Variants in APBA2 observed in about 807,000 individuals in gnomAD.
The protein encoded by APBA2 is amyloid beta precursor protein binding family A member 2, also known as amyloid-beta A4 precursor protein-binding family A member 2.
In APBA2, 30 loss-of-function variants were observed where a neutral mutation model predicts 75.0. The ratio of observed to expected loss-of-function variants is 0.40; its 90% CI spans 0.30 to 0.54. The LOEUF (loss-of-function observed/expected upper bound fraction) is 0.54. Among genes scored for constraint, APBA2 ranks in the 20% least tolerant of loss-of-function variants. The probability of loss-of-function intolerance (pLI) is 0.49; values close to 1 mark genes in which losing one functional copy is unlikely to be tolerated. For synonymous variants in APBA2, 444 were observed against 409.6 expected (o/e 1.08, Z -1.01); for missense variants, 801 against 1,016.1 (o/e 0.79, Z 2.88).
chr15:28,969,877 T>C (rs1274349900), intron 2 of APBA2, among the ~76,000 whole-genome samples: 1 of 152,226 alleles, frequency 6.6e-6, no homozygotes, highest in African/African-American at 2.4e-5. Flanking sequence ...TGGCGCCTAC[T>C]CATGGAGCCT....
rs533971816 is a variant in APBA2 at position 28,892,516 on chromosome 15, G to A, written c.-205+6238G>A. Among the ~76,000 whole-genome samples, 20 of 152,320 alleles carry A rather than the reference G, an allele frequency of 1.3e-4. No individual in the cohort carries two copies. In the South Asian group the frequency reaches 4.1e-3, roughly 32 times the overall value. Reference sequence around the variant, plus strand: ...TGGGAGCAATGGCCTGTAACCTATAGCCAAGGTGTGGAGTAGGTTTGTATA... The same window carrying A: ...TGGGAGCAATGGCCTGTAACCTATAACCAAGGTGTGGAGTAGGTTTGTATA... On this transcript the variant is annotated intron_variant, in intron 1 of 14. Transcript: ENST00000683413.
intron 2 of APBA2, among the ~76,000 whole-genome samples, chr15:28,948,093 C>T (rs1357197674): frequency 6.6e-6 from 1 of 152,066 alleles, no homozygotes; most frequent in Non-Finnish European, 1.5e-5. Flanking sequence ...TGGTTATTCC[C>T]ATGTATAGAG....
chr15:29,011,413 AT>A (rs2039397985), intron 3 of APBA2, among the ~76,000 whole-genome samples: 1 of 152,126 alleles, frequency 6.6e-6, no homozygotes, highest in South Asian at 2.1e-4. Flanking sequence ...AAAGTAGTTG[AT>A]TTCCAAATGC....
intron 2 of APBA2, among the ~76,000 whole-genome samples, chr15:28,933,739 G>A (rs961193063): frequency 4.6e-5 from 7 of 152,228 alleles, no homozygotes; most frequent in African/African-American, 1.7e-4. Flanking sequence ...CTGTGGAGCA[G>A]TTTTCTCCAG....
intron 4 of APBA2, chr15:29,070,968 C>A: frequency 2.3e-6 from 1 of 431,010 alleles, no homozygotes. Flanking sequence ...TTTTCACAGG[C>A]CACTGGGGAT....
At position 29,066,871 on chromosome 15, in the gene APBA2, A is replaced by G. The variant is rs76601985; in HGVS notation, c.952-8050A>G. On this transcript the variant is annotated intron_variant, in intron 4 of 14. Transcript: ENST00000683413. ...GTTAGGCTATTCTTGCACTGCTTTA[A>G]AGAAATACCTGGGGCTGGGTAATTT... Among the ~76,000 whole-genome samples, 1,443 of 152,320 alleles carry G rather than the reference A, an allele frequency of 9.5e-3. 21 individuals carry two copies. Among genetic ancestry groups the G allele is most frequent in the Admixed American group, 0.031 (472 of 15,306 alleles).
At chr15:29,053,736 C>A in intron 3 of APBA2, 109 bp from the exon 4 acceptor site, 1 of 681,190 alleles carries the variant, frequency 1.5e-6, no homozygotes, top group Non-Finnish European at 2.5e-6. Flanking sequence ...GATGTGCCCT[C>A]ACATGGCTGC....
chr15:29,113,759 G>A (rs1468323168), intron 13 of APBA2, 117 bp from the exon 14 acceptor site: 5 of 1,323,660 alleles, frequency 3.8e-6, no homozygotes, highest in Admixed American at 3.6e-5. Context: ...CGAATTGCAC[G>A]TGCACGTATT....
At chr15:28,903,056 C>T (rs543811258) in intron 1 of APBA2, among the ~76,000 whole-genome samples, 1 of 152,160 alleles carries the variant, frequency 6.6e-6, no homozygotes, top group South Asian at 2.1e-4. Flanking sequence ...GAAAACAAAA[C>T]ATCAAAGCCT....
At chr15:28,967,840 G>A (rs2036823369) in intron 2 of APBA2, among the ~76,000 whole-genome samples, 1 of 152,188 alleles carries the variant, frequency 6.6e-6, no homozygotes, top group African/African-American at 2.4e-5. Flanking sequence ...GTACAGGTCA[G>A]TGACGTTAAG....
intron 3 of APBA2, among the ~76,000 whole-genome samples, chr15:29,007,432 T>G (rs1356574752): frequency 6.6e-6 from 1 of 152,158 alleles, no homozygotes; most frequent in Non-Finnish European, 1.5e-5. Context: ...CAGTCAGCAG[T>G]GAAAAGGCAA....
At chr15:28,897,920 G>A (rs2032605943) in intron 1 of APBA2, among the ~76,000 whole-genome samples, 1 of 152,150 alleles carries the variant, frequency 6.6e-6, no homozygotes, top group Admixed American at 6.5e-5. Context: ...TGTGTTTAAG[G>A]ATTTTGTAAT....
In APBA2 at chr15:29,117,195, T is replaced by A; in HGVS notation, c.*62T>A. 1 of 1,535,236 alleles carries A rather than the reference T, an allele frequency of 6.5e-7. No individual in the cohort carries two copies. The highest frequency in any genetic ancestry group is 9.0e-7 in the Non-Finnish European group (1 of 1,110,912). Reference sequence around the variant, plus strand: ...CAGGGCCGCCCGGGCCCAGAGGAGCTGGGAGCCGGGCCGCAGACTTGACCC... The same window carrying A: ...CAGGGCCGCCCGGGCCCAGAGGAGCAGGGAGCCGGGCCGCAGACTTGACCC... On this transcript the variant is annotated 3_prime_UTR_variant, in exon 15 of 15. Coordinates refer to ENST00000683413, the MANE Select transcript of APBA2 (RefSeq NM_001353788.2).
At chr15:29,001,327 C>G (rs1024035215) in intron 3 of APBA2, among the ~76,000 whole-genome samples, 2 of 152,210 alleles carry the variant, frequency 1.3e-5, no homozygotes, top group Middle Eastern at 3.2e-3. Flanking sequence ...CTTCCCACCT[C>G]AGCCCCCTGA....
At chr15:29,083,641 C>T (rs574603816) in intron 6 of APBA2, among the ~76,000 whole-genome samples, 27 of 152,242 alleles carry the variant, frequency 1.8e-4, no homozygotes, top group Non-Finnish European at 3.7e-4. Context: ...AGCGATTCTC[C>T]TGTCTCATCC....
intron 2 of APBA2, among the ~76,000 whole-genome samples, chr15:28,957,982 G>A (rs2036264036): frequency 6.6e-6 from 1 of 152,192 alleles, no homozygotes; most frequent in Non-Finnish European, 1.5e-5. Context: ...CAGAGGAGCC[G>A]AGACAGGCGG....
chr15:28,956,430 G>A (rs1433261058), intron 2 of APBA2, among the ~76,000 whole-genome samples: 1 of 152,164 alleles, frequency 6.6e-6, no homozygotes, highest in Non-Finnish European at 1.5e-5. Flanking sequence ...GCCAGTGTCA[G>A]AATGGAGCAG....
chr15:28,976,732 T>C (rs959673763), intron 2 of APBA2, among the ~76,000 whole-genome samples: 1 of 152,240 alleles, frequency 6.6e-6, no homozygotes, highest in Non-Finnish European at 1.5e-5. Flanking sequence ...AATACTTTAT[T>C]TAGGATGTTT....
rs1326919797 is a variant in APBA2, at chr15:28,960,950, G to T, written c.-94-34803G>T. On this transcript the variant is annotated intron_variant, in intron 2 of 14. Coordinates refer to ENST00000683413, the MANE Select transcript of APBA2 (RefSeq NM_001353788.2). ...AATTTTGTATTTTTAGTAGAGACAG[G>T]GTTTCTCCATGTTGGTCAGGCTGGT... is the stretch of plus-strand genomic sequence containing the variant. Among the ~76,000 whole-genome samples the T allele has an allele frequency of 2.6e-5, 4 of 151,866 alleles. No homozygotes were observed. The East Asian group carries it at 7.7e-4, about 29-fold the overall frequency.
Sources: allele counts gnomAD v4.1 joint callset (sites outside exome capture counted in the v4.1 genomes callset), GRCh38; gene constraint gnomAD v4.1.1; transcripts MANE v1.5; gene names NCBI Gene and HGNC (gene_info 2026-07-23, HGNC 2026-07-21).